LAMA3: variants seen among roughly 807,000 people sequenced by gnomAD.
LAMA3 encodes the protein laminin subunit alpha-3.
A neutral mutation model predicts 402.0 loss-of-function variants in LAMA3; 281 were observed. The ratio of observed to expected loss-of-function variants is 0.70; its 90% CI spans 0.63 to 0.77. LAMA3 has a LOEUF of 0.77. LAMA3 is among the 30% of genes least tolerant of loss of function. LAMA3 has a pLI of 0.00. For missense variants in LAMA3, 3,840 were observed against 4,215.5 expected, an observed-to-expected ratio of 0.91 and a Z score of 2.47; for synonymous variants, 1,431 against 1,558.4, an observed-to-expected ratio of 0.92 and a Z score of 1.93.
intron 14 of LAMA3, 31 bp from the exon 15 acceptor site, chr18:23,814,372 T>C: frequency 7.0e-7 from 1 of 1,438,104 alleles, no homozygotes; most frequent in Non-Finnish European, 9.8e-7. Context: ...AATTCCAAGA[T>C]GTCAAATGTT....
intron 8 of LAMA3, 53 bp from the exon 9 acceptor site, chr18:23,773,444 G>T: frequency 9.3e-7 from 1 of 1,076,842 alleles, no homozygotes; most frequent in Non-Finnish European, 1.4e-6. Flanking sequence ...ACAAAATAAG[G>T]AGAATCGTCT....
chr18:23,787,902 T>C (rs911067170), intron 12 of LAMA3, among the ~76,000 whole-genome samples: 2 of 152,118 alleles, frequency 1.3e-5, no homozygotes, highest in African/African-American at 4.8e-5. Context: ...AAAGAGAGTA[T>C]AATTGAATAT....
At chr18:23,952,741 C>T (rs1390068737) in intron 73 of LAMA3, among the ~76,000 whole-genome samples, 1 of 152,180 alleles carries the variant, frequency 6.6e-6, no homozygotes, top group Non-Finnish European at 1.5e-5. Context: ...GACACATTCT[C>T]TTATCTGGGA....
rs560830425 is a variant in LAMA3, at chr18:23,780,858, A to G, written c.1469-3165A>G. Among the ~76,000 whole-genome samples, 76 of 152,300 alleles carry G rather than the reference A, an allele frequency of 5.0e-4. 1 individual carries two copies. In the South Asian group the frequency reaches 0.016, roughly 31 times the overall value. ...GTCCTGCAGGCATTGGGTCACTGTC[A>G]AGGGATTTAAAACTGGGAAGTGATA... On this transcript the variant is annotated intron_variant, in intron 11 of 74. Coordinates refer to ENST00000313654, the MANE Select transcript of LAMA3 (RefSeq NM_198129.4).
At chr18:23,919,350 A>G (rs924087734) in intron 60 of LAMA3, among the ~76,000 whole-genome samples, 4 of 152,258 alleles carry the variant, frequency 2.6e-5, no homozygotes, top group Non-Finnish European at 5.9e-5. Flanking sequence ...TGCTCAGCTT[A>G]TCTTAGGGAA....
At chr18:23,814,332 T>C (rs1568212012) in intron 14 of LAMA3, 71 bp from the exon 15 acceptor site, 1 of 1,138,202 alleles carries the variant, frequency 8.8e-7, no homozygotes, top group East Asian at 2.4e-5. Context: ...GACAAGTCTT[T>C]GCTCACGCAC....
intron 1 of LAMA3, among the ~76,000 whole-genome samples, chr18:23,712,656 A>T (rs988045734): frequency 2.0e-5 from 3 of 147,784 alleles, no homozygotes; most frequent in Non-Finnish European, 3.0e-5. Context: ...ATCTACACAG[A>T]TACCTCACCA....
At chr18:23,837,211 T>C in intron 25 of LAMA3, 122 bp downstream of exon 25, 1 of 716,928 alleles carries the variant, frequency 1.4e-6, no homozygotes, top group South Asian at 1.5e-5. Context: ...AATTGCCAGT[T>C]TAATGTTTAT....
chr18:23,854,567 G>A (rs1200647378), intron 32 of LAMA3, among the ~76,000 whole-genome samples: 5 of 151,780 alleles, frequency 3.3e-5, no homozygotes, highest in African/African-American at 1.2e-4. Context: ...CGTGAACCCG[G>A]GAGGCGGAGC....
At chr18:23,864,938 G>A in intron 36 of LAMA3, 55 bp downstream of exon 36, 1 of 1,115,642 alleles carries the variant, frequency 9.0e-7, no homozygotes, top group Non-Finnish European at 1.4e-6. Context: ...AGTTGGTGCT[G>A]ATCTAAATTT....
In LAMA3 at chr18:23,931,065, A is replaced by C. The variant is rs1389919945; in HGVS notation, c.8440A>C (p.Arg2814=). ...GTATTTTCTATGGTGATTTCAGACA[A>C]GGAACCTGCAGGTCACTCTGGAAGA... ...GILLDHQTWT[R]NLQVTLEDGY... is the part of the protein sequence containing the mutation. The change falls in exon 65 of 75, where the codon AGG becomes CGG. Residue 2814 remains arginine, a synonymous_variant. Coordinates refer to ENST00000313654, the MANE Select transcript of LAMA3 (RefSeq NM_198129.4). 1 of 1,613,612 alleles carries C rather than the reference A, an allele frequency of 6.2e-7. No individual in the cohort carries two copies. The highest frequency in any genetic ancestry group is 1.1e-5 in the South Asian group (1 of 91,080).
intron 13 of LAMA3, among the ~76,000 whole-genome samples, chr18:23,812,208 G>A (rs2063087828): frequency 6.6e-6 from 1 of 152,170 alleles, no homozygotes; most frequent in African/African-American, 2.4e-5. Context: ...CGGGCATGGT[G>A]GTGCATGCCT....
chr18:23,855,250 G>A (rs1449053930), intron 32 of LAMA3, among the ~76,000 whole-genome samples: 1 of 152,222 alleles, frequency 6.6e-6, no homozygotes. Context: ...CTGCCAGGTT[G>A]GCACTTCATG....
chr18:23,940,378 C>A (rs532857133), intron 68 of LAMA3, among the ~76,000 whole-genome samples: 1 of 152,202 alleles, frequency 6.6e-6, no homozygotes, highest in Non-Finnish European at 1.5e-5. Context: ...CTCTAATACC[C>A]CCGAGTGTCA....
At chr18:23,902,969 A>C in intron 48 of LAMA3, 40 bp from the exon 49 acceptor site, 1 of 1,163,910 alleles carries the variant, frequency 8.6e-7, no homozygotes, top group Middle Eastern at 2.2e-4. Flanking sequence ...TTCTGATAAT[A>C]TATCATAGAG....
chr18:23,899,553 G>A (rs1412069721), intron 47 of LAMA3, 98 bp downstream of exon 47: 2 of 1,233,512 alleles, frequency 1.6e-6, no homozygotes, highest in East Asian at 2.5e-5. Context: ...TAGGTGGAAG[G>A]CCTCATGGTT....
chr18:23,863,002 GGA>G (rs754611681), intron 35 of LAMA3, among the ~76,000 whole-genome samples: 6 of 148,636 alleles, frequency 4.0e-5, no homozygotes, highest in Non-Finnish European at 7.5e-5. Context: ...ACAGGGTGGG[GGA>G]GAGAGAGAGA....
At position 23,689,581 on chromosome 18, in the gene LAMA3, G is replaced by C; in HGVS notation, c.-103G>C. 1 of 1,120,964 alleles carries C rather than the reference G, an allele frequency of 8.9e-7. No individual in the cohort carries two copies. Among genetic ancestry groups the C allele is most frequent in the Non-Finnish European group, 1.1e-6 (1 of 890,540 alleles). The allele number at this position is 1,120,964 out of a possible 1,614,324, so 69.4% of individuals were successfully genotyped here. On this transcript the variant is annotated 5_prime_UTR_variant, in exon 1 of 75. Transcript: ENST00000313654. ...CCCGGCGCCGCCCATATCCCCGGCT[G>C]CGCTAGTCCTGGCGCTGCAGGTCCG...
At chr18:23,815,650 T>C (rs1202287535) in intron 17 of LAMA3, 77 bp downstream of exon 17, 3 of 1,018,648 alleles carry the variant, frequency 2.9e-6, no homozygotes, top group East Asian at 4.8e-5. Flanking sequence ...TTCTTCTGAG[T>C]TTGTCATCTT....
Sources: gnomAD v4.1 joint callset for allele counts (sites outside exome capture counted in the v4.1 genomes callset) on GRCh38, gnomAD v4.1.1 for gene constraint, MANE v1.5 for transcripts, NCBI Gene and HGNC (gene_info 2026-07-23, HGNC 2026-07-21) for gene names.